Variants in PGPEP1L observed in about 807,000 individuals in gnomAD.
PGPEP1L encodes the protein pyroglutamyl-peptidase 1-like protein.
A neutral mutation model predicts 6.0 loss-of-function variants in PGPEP1L; 7 were observed. That is an observed-to-expected ratio of 1.17 (90% CI 0.66 to 2.19). The LOEUF is 2.19. Ranked by LOEUF, PGPEP1L falls within the 30% of genes most tolerant of loss-of-function variation. The pLI is 0.00. For synonymous variants in PGPEP1L, 103 were observed against 83.9 expected, an observed-to-expected ratio of 1.23 and a Z score of -1.24; for missense variants, 209 against 192.5, an observed-to-expected ratio of 1.09 and a Z score of -0.51.
intron 1 of PGPEP1L, among the ~76,000 whole-genome samples, chr15:99,006,034 G>A (rs1327246893): frequency 1.3e-5 from 2 of 152,166 alleles, no homozygotes; most frequent in South Asian, 2.1e-4. Context: ...TATGTGAGAT[G>A]TGAGCAGAAA....
chr15:98,989,569 C>T (rs1353181970), intron 2 of PGPEP1L, among the ~76,000 whole-genome samples: 1 of 152,168 alleles, frequency 6.6e-6, no homozygotes, highest in Non-Finnish European at 1.5e-5. Flanking sequence ...AGGGTATTAT[C>T]CAGCAGAACT....
rs2017766446 is a variant in PGPEP1L, at chr15:98,987,674, A to G, written c.-141-16516T>C. On this transcript the variant is annotated intron_variant, in intron 2 of 4. Coordinates refer to ENST00000535714, the MANE Select transcript of PGPEP1L (RefSeq NM_001167902.2). ...TATTGAAACCACATACTCTACTTCT[A>G]CTCTTTAATAGTTACTCTTGAAGAT... Among the ~76,000 whole-genome samples the G allele has an allele frequency of 2.0e-5, 3 of 152,032 alleles. No homozygotes were observed. The South Asian group carries it at 6.2e-4, about 32-fold the overall frequency.
chr15:98,993,841 A>AG (rs1397877539), intron 2 of PGPEP1L, among the ~76,000 whole-genome samples: 3 of 151,904 alleles, frequency 2.0e-5, no homozygotes, highest in Non-Finnish European at 4.4e-5. Flanking sequence ...TACATGAAAA[A>AG]AAAAGAGAAC....
chr15:99,007,149 A>T (rs2018084363), intron 1 of PGPEP1L, among the ~76,000 whole-genome samples: 1 of 152,196 alleles, frequency 6.6e-6, no homozygotes, highest in Non-Finnish European at 1.5e-5. Flanking sequence ...CTTCACTGCC[A>T]ACAGGTGGGA....
At position 98,968,367 on chromosome 15, in the gene PGPEP1L, T is replaced by C. The variant is rs2017433592; in HGVS notation, c.*111A>G. On this transcript the variant is annotated 3_prime_UTR_variant, in exon 5 of 5. Coordinates refer to ENST00000535714, the MANE Select transcript of PGPEP1L (RefSeq NM_001167902.2). ...GATTTTGTTGGGCTAATTCAGAGTT[T>C]TCCACCCTCTTTGTCTTACAAGCAA... The C allele has an allele frequency of 1.8e-6, 2 of 1,093,382 alleles. No individual in the cohort carries two copies. Among genetic ancestry groups the C allele is most frequent in the Non-Finnish European group, 2.7e-6 (2 of 753,938 alleles). The allele number at this position is 1,093,382 out of a possible 1,614,324, so 67.7% of individuals were successfully genotyped here. A position where few individuals can be genotyped will look rare whatever the true frequency, so the allele number is the denominator to read the frequency against.
At chr15:98,981,467 G>T (rs2017659796) in intron 2 of PGPEP1L, among the ~76,000 whole-genome samples, 1 of 142,426 alleles carries the variant, frequency 7.0e-6, no homozygotes, top group Non-Finnish European at 1.5e-5. Flanking sequence ...TCCAGCCTGG[G>T]CAACAGAGCA....
At chr15:99,000,565 A>G (rs941118992) in intron 2 of PGPEP1L, among the ~76,000 whole-genome samples, 1 of 152,320 alleles carries the variant, frequency 6.6e-6, no homozygotes, top group East Asian at 1.9e-4. Context: ...AAACACACCA[A>G]TCAGCACCCT....
At chr15:98,970,479 G>A (rs888973521) in intron 3 of PGPEP1L, among the ~76,000 whole-genome samples, 4 of 150,862 alleles carry the variant, frequency 2.7e-5, no homozygotes, top group African/African-American at 9.8e-5. Flanking sequence ...AAAACATCTG[G>A]GGCATTGTCT....
chr15:99,004,766 G>A (rs1555473419), intron 2 of PGPEP1L, among the ~76,000 whole-genome samples: 1 of 152,026 alleles, frequency 6.6e-6, no homozygotes, highest in East Asian at 1.9e-4. Context: ...AGGCCCCCAG[G>A]GACCAGCTGG....
At chr15:98,999,750 G>C (rs1264554792) in intron 2 of PGPEP1L, among the ~76,000 whole-genome samples, 2 of 152,258 alleles carry the variant, frequency 1.3e-5, no homozygotes, top group Non-Finnish European at 2.9e-5. Flanking sequence ...GTGGAAGAGA[G>C]AAGTAGAAAC....
intron 2 of PGPEP1L, among the ~76,000 whole-genome samples, chr15:98,997,028 T>TG (rs1419333652): frequency 6.6e-6 from 1 of 152,156 alleles, no homozygotes; most frequent in Non-Finnish European, 1.5e-5. Flanking sequence ...TTGCCACTGT[T>TG]GGAGCTAAAC....
chr15:98,980,422 A>T (rs1214858545), intron 2 of PGPEP1L, among the ~76,000 whole-genome samples: 4 of 147,104 alleles, frequency 2.7e-5, no homozygotes, highest in Non-Finnish European at 4.5e-5. Context: ...ATAAATATTC[A>T]TGAGTCCATC....
chr15:98,994,934 T>C (rs782592259), intron 2 of PGPEP1L, among the ~76,000 whole-genome samples: 8 of 152,224 alleles, frequency 5.3e-5, no homozygotes, highest in Non-Finnish European at 1.2e-4. Context: ...TCTAATTAGA[T>C]TGTCAATTTT....
rs958561000 is a variant in PGPEP1L at position 98,982,663 on chromosome 15, C to T, written c.-141-11505G>A. On this transcript the variant is annotated intron_variant, in intron 2 of 4. Transcript: ENST00000535714. ...TGTAAACTAGAGAGATGTCTGAGGTCTCCCTTCCTCCTCACTCTGGTTATT... is the reference window on the plus strand; with the variant it reads ...TGTAAACTAGAGAGATGTCTGAGGTTTCCCTTCCTCCTCACTCTGGTTATT... 2.1e-5 allele frequency among the ~76,000 whole-genome samples: 3 copies of T among 144,994 alleles called. No homozygotes were observed. In the Admixed American group the frequency reaches 2.1e-4, roughly 10 times the overall value.
intron 2 of PGPEP1L, among the ~76,000 whole-genome samples, chr15:98,996,133 G>A (rs2017884710): frequency 6.6e-6 from 1 of 152,058 alleles, no homozygotes; most frequent in Non-Finnish European, 1.5e-5. Flanking sequence ...GCTATTTTCT[G>A]ATCATTCTTG....
intron 2 of PGPEP1L, among the ~76,000 whole-genome samples, chr15:98,983,169 A>AAAAAG (rs1555471238): frequency 6.7e-6 from 1 of 149,648 alleles, no homozygotes. Context: ...AAAAAAAAAA[A>AAAAAG]AAGAAGAATC....
At chr15:99,000,082 A>G (rs1277508496) in intron 2 of PGPEP1L, among the ~76,000 whole-genome samples, 3 of 152,226 alleles carry the variant, frequency 2.0e-5, no homozygotes, top group Non-Finnish European at 4.4e-5. Context: ...GGCTGCGTGC[A>G]GTGCTTGCGG....
intron 2 of PGPEP1L, among the ~76,000 whole-genome samples, chr15:98,995,546 A>G (rs1292963062): frequency 4.6e-5 from 7 of 152,092 alleles, no homozygotes; most frequent in African/African-American, 1.4e-4. Flanking sequence ...AAAAATATAA[A>G]AATTAGCTGG....
chr15:99,001,941 C>T (rs1555473107), intron 2 of PGPEP1L, among the ~76,000 whole-genome samples: 1 of 152,186 alleles, frequency 6.6e-6, no homozygotes, highest in Non-Finnish European at 1.5e-5. Flanking sequence ...TGGTCTCGAA[C>T]TCCTGCCCTA....
Sources: allele counts gnomAD v4.1 joint callset (sites outside exome capture counted in the v4.1 genomes callset), GRCh38; gene constraint gnomAD v4.1.1; transcripts MANE v1.5; gene names NCBI Gene and HGNC (gene_info 2026-07-23, HGNC 2026-07-21).